The following HCRTR2 variants were observed in gnomAD, a reference collection of about 807,000 sequenced individuals.
HCRTR2 encodes the protein orexin receptor type 2.
In HCRTR2, 22 loss-of-function variants were observed where a neutral mutation model predicts 49.0. The ratio of observed to expected loss-of-function variants is 0.45; its 90% CI spans 0.32 to 0.64. The LOEUF is 0.64. HCRTR2 is among the 30% of genes least tolerant of loss of function. The pLI, the probability that HCRTR2 is intolerant of heterozygous loss-of-function variation, is 0.04. For synonymous variants in HCRTR2, 236 were observed against 205.3 expected (o/e 1.15, Z -1.28); for missense variants, 491 against 559.4 (o/e 0.88, Z 1.23).
intron 1 of HCRTR2, among the ~76,000 whole-genome samples, chr6:55,240,181 C>A (rs1319618008): frequency 2.0e-5 from 3 of 151,520 alleles, no homozygotes; most frequent in African/African-American, 7.3e-5. Flanking sequence ...CACCGTGAAA[C>A]CCCGTCTCTA....
chr6:55,211,603 G>A (rs566644908), intron 1 of HCRTR2, among the ~76,000 whole-genome samples: 3 of 152,244 alleles, frequency 2.0e-5, no homozygotes, highest in African/African-American at 4.8e-5. Context: ...ATTATTAAAA[G>A]CCCTTCATGA....
intron 5 of HCRTR2, among the ~76,000 whole-genome samples, chr6:55,278,460 A>G (rs1259603588): frequency 1.3e-5 from 2 of 152,216 alleles, no homozygotes; most frequent in African/African-American, 4.8e-5. Context: ...TCTGAAGAAC[A>G]GCAGCTTTGG....
chr6:55,209,760 T>C (rs1765664926), intron 1 of HCRTR2, among the ~76,000 whole-genome samples: 1 of 152,206 alleles, frequency 6.6e-6, no homozygotes, highest in African/African-American at 2.4e-5. Flanking sequence ...GGTTTTCATA[T>C]TGGCTTAGAT....
intron 6 of HCRTR2, chr6:55,280,666 A>G (rs552969025): frequency 2.2e-4 from 35 of 161,978 alleles, no homozygotes; most frequent in Non-Finnish European, 3.9e-4. Context: ...AAGAAATGTT[A>G]TAATAGAAGA....
chr6:55,192,506 C>T (rs529611745), intron 1 of HCRTR2, among the ~76,000 whole-genome samples: 1 of 152,090 alleles, frequency 6.6e-6, no homozygotes, highest in African/African-American at 2.4e-5. Context: ...GGAAAATCAC[C>T]TGAGCCCAGG....
intron 6 of HCRTR2, 200 bp downstream of exon 6, chr6:55,280,644 T>C (rs1431818913): frequency 5.4e-6 from 1 of 183,990 alleles, no homozygotes; most frequent in Admixed American, 6.5e-5. Flanking sequence ...GATTTTTCCA[T>C]GTCAAACGTA....
chr6:55,179,682 G>T (rs1309524839), intron 1 of HCRTR2, among the ~76,000 whole-genome samples: 5 of 152,130 alleles, frequency 3.3e-5, no homozygotes, highest in Non-Finnish European at 5.9e-5. Flanking sequence ...GTTTTCAAGA[G>T]ACCAAATCTA....
intron 1 of HCRTR2, among the ~76,000 whole-genome samples, chr6:55,165,909 T>A (rs1037076833): frequency 1.3e-5 from 2 of 151,724 alleles, no homozygotes; most frequent in Non-Finnish European, 2.9e-5. Flanking sequence ...AAGATGCTCA[T>A]CATCTTTACT....
intron 4 of HCRTR2, 24 bp downstream of exon 4, chr6:55,263,846 G>A (rs200128187): frequency 3.1e-5 from 40 of 1,305,032 alleles, no homozygotes; most frequent in African/African-American, 1.2e-4. Flanking sequence ...AATATTTTGC[G>A]TGCATTATTC....
At chr6:55,206,152 T>C (rs547195509) in intron 1 of HCRTR2, among the ~76,000 whole-genome samples, 70 of 152,234 alleles carry the variant, frequency 4.6e-4, no homozygotes, top group African/African-American at 1.7e-3. Flanking sequence ...CAAGTATTAG[T>C]TGAAGGAAAT....
chr6:55,127,690 G>A (rs1764300320), intron 1 of HCRTR2, among the ~76,000 whole-genome samples: 1 of 152,164 alleles, frequency 6.6e-6, no homozygotes, highest in South Asian at 2.1e-4. Flanking sequence ...TTAGGGCAAA[G>A]CTACACAGAT....
chr6:55,248,486 C>T (rs564227915), intron 1 of HCRTR2, among the ~76,000 whole-genome samples, 153 bp from the exon 2 acceptor site: 62 of 152,242 alleles, frequency 4.1e-4, no homozygotes, highest in Non-Finnish European at 7.8e-4. Flanking sequence ...AGCATTCACA[C>T]AGATTGACAG....
Position 55,122,407 on chromosome 6 carries a change from A to G in HCRTR2, c.-378+15862A>G, listed in dbSNP as rs373423832. 6.6e-5 allele frequency among the ~76,000 whole-genome samples: 10 copies of G among 152,228 alleles called. No homozygotes were observed. In the East Asian group the frequency reaches 1.2e-3, roughly 18 times the overall value. On this transcript the variant is annotated intron_variant, in intron 1 of 7. Coordinates refer to the HCRTR2 transcript ENST00000615358. ...CTATGAATTTTGTTTATCTTTTCAA[A>G]AAACCAGCTCCTGGATTCATTGATT...
chr6:55,269,014 C>T (rs1046095367), intron 4 of HCRTR2, among the ~76,000 whole-genome samples: 35 of 144,282 alleles, frequency 2.4e-4, no homozygotes, highest in African/African-American at 7.2e-4. Context: ...GGCGTGAACC[C>T]GGGGGGTGGA....
chr6:55,133,390 A>AC lies in HCRTR2; in HGVS notation c.-378+26845_-378+26846insC, dbSNP rs1554167176. ...ATATACACATACACACACACAAAAAAACACACACACACACACATCAAGGCA... is the reference window on the plus strand; with the variant it reads ...ATATACACATACACACACACAAAAAACACACACACACACACACATCAAGGCA... On this transcript the variant is annotated intron_variant, in intron 1 of 7. Transcript: ENST00000615358. 2.5e-4 allele frequency among the ~76,000 whole-genome samples: 38 copies of AC among 150,822 alleles called. 1 individual carries two copies. The South Asian group carries it at 3.6e-3, about 14-fold the overall frequency.
At chr6:55,272,745 T>C (rs1275380030) in intron 4 of HCRTR2, among the ~76,000 whole-genome samples, 2 of 151,960 alleles carry the variant, frequency 1.3e-5, no homozygotes, top group Non-Finnish European at 2.9e-5. Context: ...AAAGTTTTTT[T>C]CCGTACTTCT....
chr6:55,180,923 C>T (rs1765122311), intron 1 of HCRTR2, among the ~76,000 whole-genome samples: 1 of 151,972 alleles, frequency 6.6e-6, no homozygotes, highest in Non-Finnish European at 1.5e-5. Context: ...CCTCAGCCTC[C>T]CCAGTAGCTG....
At chr6:55,223,417 C>A (rs1457005085) in intron 1 of HCRTR2, among the ~76,000 whole-genome samples, 4 of 152,156 alleles carry the variant, frequency 2.6e-5, no homozygotes, top group Non-Finnish European at 5.9e-5. Context: ...TACAGCATCG[C>A]TTTTAAAACA....
At chr6:55,275,610 T>A (rs1444924950) in intron 4 of HCRTR2, among the ~76,000 whole-genome samples, 4 of 144,988 alleles carry the variant, frequency 2.8e-5, no homozygotes, top group African/African-American at 1.1e-4. Context: ...AAAACTGTAT[T>A]TTTTTTTTTT....
Sources: allele counts gnomAD v4.1 joint callset (sites outside exome capture counted in the v4.1 genomes callset), GRCh38; gene constraint gnomAD v4.1.1; transcripts MANE v1.5; gene names NCBI Gene and HGNC (gene_info 2026-07-23, HGNC 2026-07-21).